Variants in DOCK10 observed in about 807,000 individuals in gnomAD.
DOCK10 encodes the protein dedicator of cytokinesis protein 10.
Under a neutral mutation model 280.1 loss-of-function variants are expected in DOCK10, and 145 were observed. The observed-to-expected ratio is 0.52, with a 90% confidence interval of 0.45 to 0.59. The LOEUF is 0.59. Among genes scored for constraint, DOCK10 ranks in the 20% least tolerant of loss-of-function variants. The probability of loss-of-function intolerance (pLI) is 0.00; values close to 1 mark genes in which losing one functional copy is unlikely to be tolerated. For missense variants in DOCK10, 2,368 were observed against 2,651.7 expected, an observed-to-expected ratio of 0.89 and a Z score of 2.35; for synonymous variants, 915 against 942.2, an observed-to-expected ratio of 0.97 and a Z score of 0.53.
At position 224,979,532 on chromosome 2, in the gene DOCK10, A is replaced by G. The variant is rs1192160524; in HGVS notation, c.124-47864T>C. On this transcript the variant is annotated intron_variant, in intron 1 of 55. Coordinates refer to ENST00000258390, the MANE Select transcript of DOCK10 (RefSeq NM_014689.3). ...TGCCTCCCTGACCTTGCCTTCTACG[A>G]CCCACTCCTTGGCTCATCTGGACAC... Among the ~76,000 whole-genome samples the G allele has an allele frequency of 4.6e-5, 7 of 152,128 alleles. No individual in the cohort carries two copies. In the East Asian group the frequency reaches 9.6e-4, roughly 21 times the overall value.
intron 2 of DOCK10, among the ~76,000 whole-genome samples, chr2:224,926,189 A>G (rs1057472636): frequency 6.6e-6 from 1 of 152,198 alleles, no homozygotes; most frequent in African/African-American, 2.4e-5. Flanking sequence ...ACCCACATAC[A>G]AGGAGGACTA....
Position 224,902,970 on chromosome 2 carries a change from C to T in DOCK10, c.334-6593G>A, listed in dbSNP as rs535826674. On this transcript the variant is annotated intron_variant, in intron 3 of 55. Transcript: ENST00000258390. ...AAAATTAGCCGGTTGTGGTGGCAGG[C>T]GCCTGTAGTCCCAGCTACTCGGGAG... is the stretch of plus-strand genomic sequence containing the variant. 2.5e-3 allele frequency among the ~76,000 whole-genome samples: 383 copies of T among 151,776 alleles called. 2 individuals carry two copies. Among genetic ancestry groups the T allele is most frequent in the Non-Finnish European group, 2.0e-3 (137 of 67,970 alleles).
chr2:224,816,741 T>C (rs1431605953), intron 29 of DOCK10, 28 bp from the exon 30 acceptor site: 1 of 1,248,378 alleles, frequency 8.0e-7, no homozygotes. Flanking sequence ...TAAATGACTA[T>C]GACTTACAGA....
At chr2:224,863,989 A>G (rs1697699343) in intron 13 of DOCK10, among the ~76,000 whole-genome samples, 2 of 152,156 alleles carry the variant, frequency 1.3e-5, no homozygotes, top group Non-Finnish European at 2.9e-5. Context: ...CTAAGGTTTC[A>G]TTATTATTAA....
rs1014641916 is a variant in DOCK10 at position 224,810,424 on chromosome 2, A to G, written c.3410-2338T>C. Among the ~76,000 whole-genome samples the G allele has an allele frequency of 3.9e-5, 6 of 152,324 alleles. No individual in the cohort carries two copies. In the East Asian group the frequency reaches 1.2e-3, roughly 29 times the overall value. ...AAATTGTGGAGGTCAAATACGTAGC[A>G]TAGTAAGAATCGTTAATAATACAAT... On this transcript the variant is annotated intron_variant, in intron 31 of 55. Transcript: ENST00000258390.
At chr2:224,950,710 T>C (rs528932793) in intron 1 of DOCK10, among the ~76,000 whole-genome samples, 5 of 152,340 alleles carry the variant, frequency 3.3e-5, no homozygotes, top group Admixed American at 1.3e-4. Context: ...AGCTGTTATA[T>C]GTGTGCCTAG....
intron 15 of DOCK10, among the ~76,000 whole-genome samples, chr2:224,855,386 G>T (rs1229832432): frequency 6.6e-6 from 1 of 152,194 alleles, no homozygotes; most frequent in African/African-American, 2.4e-5. Context: ...AAAGCTAATA[G>T]TATTTAAACT....
chr2:224,845,492 C>T (rs1453651765), intron 20 of DOCK10, 27 bp downstream of exon 20: 1 of 1,600,474 alleles, frequency 6.2e-7, no homozygotes, highest in Admixed American at 1.8e-5. Flanking sequence ...ACATGTGACT[C>T]TGCCTCAGAT....
intron 52 of DOCK10, 53 bp downstream of exon 52, chr2:224,774,852 G>C: frequency 6.7e-7 from 1 of 1,495,630 alleles, no homozygotes; most frequent in African/African-American, 1.4e-5. Context: ...GCCCTATAAA[G>C]GGGCCTGTGC....
intron 1 of DOCK10, among the ~76,000 whole-genome samples, chr2:224,954,108 T>C (rs547682925): frequency 2.0e-5 from 3 of 152,348 alleles, no homozygotes; most frequent in Non-Finnish European, 4.4e-5. Context: ...TTCACAGTAC[T>C]GAATTTCAAT....
chr2:224,930,915 T>C (rs975709623), intron 2 of DOCK10, among the ~76,000 whole-genome samples: 1 of 152,188 alleles, frequency 6.6e-6, no homozygotes, highest in Non-Finnish European at 1.5e-5. Context: ...TTGGAACATG[T>C]GGGTGCTCAC....
At chr2:224,929,603 A>G (rs1293353499) in intron 2 of DOCK10, among the ~76,000 whole-genome samples, 2 of 152,178 alleles carry the variant, frequency 1.3e-5, no homozygotes, top group Non-Finnish European at 2.9e-5. Flanking sequence ...GAAGGGTTTT[A>G]AGCAGCCATG....
chr2:224,993,074 C>A (rs1414998688), intron 1 of DOCK10, among the ~76,000 whole-genome samples: 1 of 152,098 alleles, frequency 6.6e-6, no homozygotes, highest in Non-Finnish European at 1.5e-5. Flanking sequence ...GAAAATCAGG[C>A]AGTGGAAGGA....
intron 1 of DOCK10, among the ~76,000 whole-genome samples, chr2:225,034,673 T>C (rs1283188757): frequency 2.0e-5 from 3 of 152,148 alleles, no homozygotes; most frequent in Non-Finnish European, 2.9e-5. Context: ...AAATATACTA[T>C]AAAAGTAGTG....
chr2:224,899,448 A>G (rs541144640), intron 3 of DOCK10, among the ~76,000 whole-genome samples: 1 of 152,204 alleles, frequency 6.6e-6, no homozygotes, highest in Non-Finnish European at 1.5e-5. Flanking sequence ...GCCCTCTTGG[A>G]TTGACCTCCT....
chr2:224,886,704 CATG>C (rs1178061322), intron 4 of DOCK10, among the ~76,000 whole-genome samples, 173 bp from the exon 5 acceptor site: 3 of 152,102 alleles, frequency 2.0e-5, no homozygotes, highest in Non-Finnish European at 4.4e-5. Context: ...TTTCCTCTGC[CATG>C]ATATCTTATC....
chr2:224,792,476 G>T (rs1291498832), intron 47 of DOCK10, among the ~76,000 whole-genome samples: 2 of 152,086 alleles, frequency 1.3e-5, no homozygotes, highest in Non-Finnish European at 2.9e-5. Context: ...TAGAGACCAG[G>T]CTTCACCATG....
intron 51 of DOCK10, among the ~76,000 whole-genome samples, chr2:224,777,309 G>A (rs1461472417): frequency 6.6e-6 from 1 of 152,198 alleles, no homozygotes; most frequent in Non-Finnish European, 1.5e-5. Context: ...GGGTGTGTCC[G>A]TGAGGGTGTC....
At position 224,861,375 on chromosome 2, in the gene DOCK10, G is replaced by C. The variant is rs1282028212; in HGVS notation, c.1685+1289C>G. 2 of 152,184 alleles carry C rather than the reference G, an allele frequency of 1.3e-5. 1 individual carries two copies. Among genetic ancestry groups the C allele is most frequent in the Admixed American group, 1.3e-4 (2 of 15,276 alleles). The allele number at this position is 152,184 out of a possible 1,614,324, so 9.4% of individuals were successfully genotyped here. Reference sequence around the variant, plus strand: ...ACCCAGAGACATGGAGAAGAAACTTGTTCCAAGTCACAGTAAGTAGTGGCC... The same window carrying C: ...ACCCAGAGACATGGAGAAGAAACTTCTTCCAAGTCACAGTAAGTAGTGGCC... On this transcript the variant is annotated intron_variant, in intron 14 of 55. Transcript: ENST00000258390.
Sources: allele counts gnomAD v4.1 joint callset (sites outside exome capture counted in the v4.1 genomes callset), GRCh38; gene constraint gnomAD v4.1.1; transcripts MANE v1.5; gene names NCBI Gene and HGNC (gene_info 2026-07-23, HGNC 2026-07-21).